Variants in CCDC148 observed in about 807,000 individuals in gnomAD.
The protein encoded by CCDC148 is coiled-coil domain containing 148.
CCDC148 carries 89 observed loss-of-function variants against 85.7 expected under a neutral mutation model. The ratio of observed to expected loss-of-function variants is 1.04; its 90% confidence interval spans 0.87 to 1.24. CCDC148 has a LOEUF of 1.24. Among genes scored for constraint, CCDC148 ranks in the 50% most tolerant of loss-of-function variants. The probability of loss-of-function intolerance (pLI) is 0.00; values close to 1 mark genes in which losing one functional copy is unlikely to be tolerated. For synonymous variants in CCDC148, 230 were observed against 213.9 expected (o/e 1.08, Z -0.66); for missense variants, 692 against 671.7 (o/e 1.03, Z -0.33).
chr2:158,330,800 G>T (rs1483226429), intron 7 of CCDC148, among the ~76,000 whole-genome samples: 1 of 152,132 alleles, frequency 6.6e-6, no homozygotes, highest in Non-Finnish European at 1.5e-5. Flanking sequence ...TTTGCATAGA[G>T]GTGTTTATAG....
intron 9 of CCDC148, among the ~76,000 whole-genome samples, chr2:158,276,851 T>C (rs1689969404): frequency 6.6e-6 from 1 of 152,270 alleles, no homozygotes; most frequent in Non-Finnish European, 1.5e-5. Flanking sequence ...GTCACACATT[T>C]GTTCTAGAAT....
intron 10 of CCDC148, among the ~76,000 whole-genome samples, chr2:158,224,677 A>C (rs969950553): frequency 7.2e-5 from 11 of 152,210 alleles, no homozygotes; most frequent in South Asian, 2.1e-4. Context: ...GAATTTTCAA[A>C]CCAGAATTTC....
chr2:158,220,224 A>G (rs1013407395), intron 11 of CCDC148, among the ~76,000 whole-genome samples: 3 of 152,184 alleles, frequency 2.0e-5, no homozygotes, highest in Admixed American at 6.5e-5. Flanking sequence ...TGTCTTCCCC[A>G]GCCTCCGTCA....
rs533506792 is a variant in CCDC148, at chr2:158,362,158, C to T, written c.26-3588G>A. Reference sequence around the variant, plus strand: ...AAATATATATGCACCCAATACAGGACCACCCAGATTCATAACACAAGTTCT... The same window carrying T: ...AAATATATATGCACCCAATACAGGATCACCCAGATTCATAACACAAGTTCT... On this transcript the variant is annotated intron_variant, in intron 1 of 13. Transcript: ENST00000283233. 1.1e-4 allele frequency among the ~76,000 whole-genome samples: 16 copies of T among 152,038 alleles called. No individual in the cohort carries two copies. The South Asian group carries it at 3.1e-3, about 30-fold the overall frequency.
intron 2 of CCDC148, among the ~76,000 whole-genome samples, chr2:158,348,094 T>C (rs1016811617): frequency 6.6e-6 from 1 of 152,106 alleles, no homozygotes; most frequent in Non-Finnish European, 1.5e-5. Flanking sequence ...TATGGATTTA[T>C]CCTGTGACCT....
intron 11 of CCDC148, among the ~76,000 whole-genome samples, chr2:158,193,734 T>C (rs1685528756): frequency 6.6e-6 from 1 of 152,080 alleles, no homozygotes; most frequent in Non-Finnish European, 1.5e-5. Context: ...TAAGGCTTTA[T>C]AGGAATACAA....
chr2:158,393,121 A>C (rs1280546370), intron 1 of CCDC148: 2 of 152,190 alleles, frequency 1.3e-5, no homozygotes, highest in Non-Finnish European at 2.9e-5. Flanking sequence ...ATAACATTTC[A>C]TAATATGCTG....
At chr2:158,279,814 C>A (rs1310011481) in intron 9 of CCDC148, among the ~76,000 whole-genome samples, 1 of 151,656 alleles carries the variant, frequency 6.6e-6, no homozygotes, top group African/African-American at 2.4e-5. Context: ...AACTCCAAGA[C>A]ACATAATTGT....
chr2:158,226,590 CA>C, intron 10 of CCDC148, among the ~76,000 whole-genome samples: 1 of 152,286 alleles, frequency 6.6e-6, no homozygotes, highest in African/African-American at 2.4e-5. Context: ...AGCTGCACAT[CA>C]AAAAGCTTAT....
At chr2:158,441,050 G>A (rs1003494621) in intron 1 of CCDC148, among the ~76,000 whole-genome samples, 1 of 151,940 alleles carries the variant, frequency 6.6e-6, no homozygotes, top group Admixed American at 6.6e-5. Context: ...GTGAGACCCT[G>A]TCTCTTAAAA....
At chr2:158,211,402 G>A (rs1686571061) in intron 11 of CCDC148, among the ~76,000 whole-genome samples, 1 of 152,004 alleles carries the variant, frequency 6.6e-6, no homozygotes, top group South Asian at 2.1e-4. Flanking sequence ...AATAATGGTG[G>A]GCATAAAGGG....
intron 9 of CCDC148, among the ~76,000 whole-genome samples, chr2:158,279,547 G>T (rs1690154758): frequency 6.6e-6 from 1 of 152,128 alleles, no homozygotes; most frequent in South Asian, 2.1e-4. Flanking sequence ...TGAAATGAAT[G>T]AAATGAAGTG....
At chr2:158,365,002 C>T (rs9753530) in intron 1 of CCDC148, among the ~76,000 whole-genome samples, 118,284 of 152,142 alleles carry the variant, frequency 0.78, 46,300 homozygotes, top group East Asian at 0.95. Context: ...GTGAAGGATA[C>T]GAACAGACAC....
intron 11 of CCDC148, among the ~76,000 whole-genome samples, chr2:158,183,967 C>T (rs1420525241): frequency 2.0e-5 from 3 of 152,126 alleles, no homozygotes; most frequent in Non-Finnish European, 4.4e-5. Flanking sequence ...TCAAAGCAGG[C>T]AGGCCAGGTG....
intron 2 of CCDC148, among the ~76,000 whole-genome samples, chr2:158,348,974 A>G (rs529808255): frequency 5.4e-4 from 82 of 152,188 alleles, no homozygotes; most frequent in South Asian, 4.6e-3. Context: ...CTCAGTTTTT[A>G]GCCCAACTCT....
chr2:158,353,142 T>G (rs13395481), intron 2 of CCDC148, among the ~76,000 whole-genome samples: 7,264 of 146,978 alleles, frequency 0.049, 343 homozygotes, highest in African/African-American at 0.12. Flanking sequence ...GTAAAGACCA[T>G]CGAGACTAGG....
At chr2:158,445,404 T>C (rs181673547) in intron 1 of CCDC148, among the ~76,000 whole-genome samples, 71 of 152,344 alleles carry the variant, frequency 4.7e-4, no homozygotes, top group Admixed American at 4.5e-3. Context: ...GGAGATTTCA[T>C]TGACCTTTCT....
At chr2:158,310,866 C>T (rs1691966459) in intron 8 of CCDC148, among the ~76,000 whole-genome samples, 1 of 151,196 alleles carries the variant, frequency 6.6e-6, no homozygotes, top group South Asian at 2.1e-4. Context: ...GTGCTCCTCA[C>T]TTCCCAGACT....
At chr2:158,220,519 T>A in intron 11 of CCDC148, 76 bp downstream of exon 11, 1 of 956,126 alleles carries the variant, frequency 1.0e-6, no homozygotes, top group Non-Finnish European at 1.6e-6. Flanking sequence ...TTCCCTCTGA[T>A]ATTATTTATT....
Sources: gnomAD v4.1 joint callset for allele counts (sites outside exome capture counted in the v4.1 genomes callset) on GRCh38, gnomAD v4.1.1 for gene constraint, MANE v1.5 for transcripts, NCBI Gene and HGNC (gene_info 2026-07-23, HGNC 2026-07-21) for gene names.